DBH: variants seen among roughly 807,000 people sequenced by gnomAD.
DBH encodes dopamine beta-hydroxylase, also known as dopamine beta-hydroxylase (dopamine beta-monooxygenase).
A neutral mutation model predicts 64.0 loss-of-function variants in DBH; 49 were observed. That is an observed-to-expected ratio of 0.77 (90% confidence interval 0.61 to 0.97). The LOEUF (loss-of-function observed/expected upper bound fraction) is 0.97, where lower values mean the gene tolerates loss of function less well. DBH is among the 50% of genes least tolerant of loss of function. The probability of loss-of-function intolerance (pLI) is 0.00; values close to 1 mark genes in which losing one functional copy is unlikely to be tolerated. For missense variants in DBH, 828 were observed against 826.6 expected (o/e 1.00, Z -0.02); for synonymous variants, 343 against 347.1 (o/e 0.99, Z 0.13).
rs569876787 is a variant in DBH, at chr9:133,640,088, A to T, written c.486+96A>T. The T allele has an allele frequency of 6.3e-4, 958 of 1,509,642 alleles. 11 individuals carry two copies. The South Asian group carries it at 7.7e-3, about 12-fold the overall frequency. 93.5% of individuals were successfully genotyped at this position (1,509,642 alleles called of 1,614,324 possible). On this transcript the variant is annotated intron_variant, in intron 2 of 11. Coordinates refer to ENST00000393056, the MANE Select transcript of DBH (RefSeq NM_000787.4). ...CATAGTACCTTTCCTGTCCCTGATAAGTCTGGGGCCTGGGCCTGGCCAGCT... is the reference window on the plus strand; with the variant it reads ...CATAGTACCTTTCCTGTCCCTGATATGTCTGGGGCCTGGGCCTGGCCAGCT...
intron 1 of DBH, among the ~76,000 whole-genome samples, chr9:133,639,177 G>A (rs2131282933): frequency 6.7e-6 from 1 of 149,984 alleles, no homozygotes; most frequent in South Asian, 2.1e-4. Context: ...AGGACCGCTT[G>A]AGGCCAGGAG....
intron 5 of DBH, among the ~76,000 whole-genome samples, chr9:133,645,656 T>A (rs1832173291): frequency 1.3e-5 from 2 of 151,886 alleles, no homozygotes; most frequent in Admixed American, 1.3e-4. Context: ...GGTGTAGGGG[T>A]GTCGAGGGAA....
chr9:133,636,465 A>T lies in DBH; in HGVS notation c.94A>T (p.Ile32Phe). 6.2e-7 allele frequency: 1 copy of T among 1,612,928 alleles called. No homozygotes were observed. Among genetic ancestry groups the T allele is most frequent in the Non-Finnish European group, 8.5e-7 (1 of 1,179,698 alleles). Reference protein sequence around the residue: ...YSTAVAIFLVILVAALQGSAP... With the variant: ...YSTAVAIFLVFLVAALQGSAP... Reference sequence around the variant, plus strand: ...CACAGCAGTGGCCATCTTCCTGGTCATCCTGGTGGCCGCACTGCAGGGCTC... The same window carrying T: ...CACAGCAGTGGCCATCTTCCTGGTCTTCCTGGTGGCCGCACTGCAGGGCTC... The change falls in exon 1 of 12, where the codon ATC becomes TTC. Residue 32 changes from isoleucine to phenylalanine, a missense_variant. By Grantham distance (21) the Ile-to-Phe change is conservative (BLOSUM62 0). Coordinates refer to ENST00000393056, the MANE Select transcript of DBH (RefSeq NM_000787.4).
intron 8 of DBH, among the ~76,000 whole-genome samples, 175 bp from the exon 9 acceptor site, chr9:133,652,765 C>G (rs1253021704): frequency 2.0e-5 from 3 of 152,150 alleles, no homozygotes; most frequent in Non-Finnish European, 4.4e-5. Flanking sequence ...TGCTCGGGAA[C>G]ACTCAGCCTG....
intron 9 of DBH, 101 bp downstream of exon 9, chr9:133,653,100 G>GGAT (rs1832271703): frequency 1.1e-6 from 1 of 908,624 alleles, no homozygotes; most frequent in Non-Finnish European, 1.8e-6. Flanking sequence ...TTAGGGCATG[G>GGAT]GCTCGTCCCC....
In DBH at chr9:133,636,577, A is replaced by G. The variant is rs1264724851; in HGVS notation, c.206A>G (p.Gln69Arg). Residue 69 changes from glutamine to arginine, a missense_variant, in exon 1 of 12, where the codon CAG becomes CGG. Transcript: ENST00000393056. Reference sequence around the variant, plus strand: ...CTCTCATGGAATGTCAGCTACACCCAGGAGGCCATCCATTTCCAGCTCCTG... The same window carrying G: ...CTCTCATGGAATGTCAGCTACACCCGGGAGGCCATCCATTTCCAGCTCCTG... ...LELSWNVSYTQEAIHFQLLVR... is the reference protein window; with the variant it reads ...LELSWNVSYTREAIHFQLLVR... 1 of 1,613,732 alleles carries G rather than the reference A, an allele frequency of 6.2e-7. No individual in the cohort carries two copies. The highest frequency in any genetic ancestry group is 8.5e-7 in the Non-Finnish European group (1 of 1,180,018).
Position 133,658,298 on chromosome 9 carries a change from C to T in DBH, c.1723-18C>T. ...TGCCCCTCCAGCCTCAGTTTACCTCCTGCCCCCTTCCTTGCAGGGTGAATG... is the reference window on the plus strand; with the variant it reads ...TGCCCCTCCAGCCTCAGTTTACCTCTTGCCCCCTTCCTTGCAGGGTGAATG... On this transcript the variant is annotated intron_variant, in intron 11 of 11. Coordinates refer to ENST00000393056, the MANE Select transcript of DBH (RefSeq NM_000787.4). 4.3e-6 allele frequency: 7 copies of T among 1,613,728 alleles called. No individual in the cohort carries two copies. Among genetic ancestry groups the T allele is most frequent in the South Asian group, 3.3e-5 (3 of 91,024 alleles).
intron 7 of DBH, 49 bp from the exon 8 acceptor site, chr9:133,652,197 A>C: frequency 6.2e-7 from 1 of 1,611,018 alleles, no homozygotes; most frequent in Non-Finnish European, 8.5e-7. Flanking sequence ...TCTGGTCTGC[A>C]GCTCTCTGAG....
At position 133,657,453 on chromosome 9, in the gene DBH, A is replaced by AGAGG. The variant is rs1564215878; in HGVS notation, c.1722+227_1722+228insGGAG. On this transcript the variant is annotated intron_variant, in intron 11 of 11. Transcript: ENST00000393056. Reference sequence around the variant, plus strand: ...AGAGAGGAGAGAGAGGAGAGAGAGGAGAGAGGGAGAGGGAGAGAGGGAGAG... The same window carrying AGAGG: ...AGAGAGGAGAGAGAGGAGAGAGAGGAGAGGGAGAGGGAGAGGGAGAGAGGGAGAG... 4.3e-5 allele frequency: 11 copies of AGAGG among 255,608 alleles called. No individual in the cohort carries two copies. The African/African-American group carries it at 4.9e-4, about 11-fold the overall frequency. 15.8% of individuals were successfully genotyped at this position (255,608 alleles called of 1,614,324 possible). A position where few individuals can be genotyped will look rare whatever the true frequency, so the allele number is the denominator to read the frequency against.
At position 133,643,174 on chromosome 9, in the gene DBH, T is replaced by C. The variant is rs973260758; in HGVS notation, c.745-239T>C. Among the ~76,000 whole-genome samples, 3 of 125,946 alleles carry C rather than the reference T, an allele frequency of 2.4e-5. No individual in the cohort carries two copies. Among genetic ancestry groups the C allele is most frequent in the Non-Finnish European group, 3.6e-5 (2 of 56,292 alleles). 82.6% of individuals were successfully genotyped at this position (125,946 alleles called of 152,430 possible). On this transcript the variant is annotated intron_variant, in intron 3 of 11. Transcript: ENST00000393056. This position sits in a 1 kb window ranked among gnomAD's most constrained non-coding sequence, Gnocchi z 5.3. ...CCCCATATGCATGAGGACGGCTGCG[T>C]CCTGTCCCTGCCTTGGCCTGTACGA...
intron 7 of DBH, among the ~76,000 whole-genome samples, 163 bp downstream of exon 7, chr9:133,651,940 G>A (rs577373517): frequency 1.4e-3 from 219 of 152,016 alleles, no homozygotes; most frequent in African/African-American, 4.9e-3. Flanking sequence ...CTCCCCACTT[G>A]GGTGTCTGGT....
intron 1 of DBH, among the ~76,000 whole-genome samples, chr9:133,639,226 C>CA (rs60989647): frequency 0.046 from 6,035 of 131,960 alleles, 169 homozygotes; most frequent in Non-Finnish European, 0.067. Context: ...GACCCTATCT[C>CA]AAAAAAAAAA....
Position 133,648,675 on chromosome 9 carries a change from G to A in DBH, c.1191+663G>A, listed in dbSNP as rs80154215. Reference sequence around the variant, plus strand: ...AGCACCCGTCCTCAGGGCTATGCACGCTGGGTGGAGGCACAGGTTGGCGCT... The same window carrying A: ...AGCACCCGTCCTCAGGGCTATGCACACTGGGTGGAGGCACAGGTTGGCGCT... On this transcript the variant is annotated intron_variant, in intron 6 of 11. Transcript: ENST00000393056. 5.3e-3 allele frequency among the ~76,000 whole-genome samples: 804 copies of A among 152,358 alleles called. 5 individuals are homozygous for A. Among genetic ancestry groups the A allele is most frequent in the African/African-American group, 0.018 (741 of 41,582 alleles).
Position 133,639,214 on chromosome 9 carries a change from G to A in DBH, c.340-632G>A, listed in dbSNP as rs566916252. ...TCAGGACCAGCCTAGGCAACATAGC[G>A]AGACCCTATCTCAAAAAAAAAAAAA... On this transcript the variant is annotated intron_variant, in intron 1 of 11. Coordinates refer to ENST00000393056, the MANE Select transcript of DBH (RefSeq NM_000787.4). 1.8e-3 allele frequency among the ~76,000 whole-genome samples: 246 copies of A among 133,864 alleles called. 1 individual carries two copies. Among genetic ancestry groups the A allele is most frequent in the Non-Finnish European group, 2.9e-3 (184 of 63,010 alleles). 87.8% of individuals were successfully genotyped at this position (133,864 alleles called of 152,430 possible). A position where few individuals can be genotyped will look rare whatever the true frequency, so the allele number is the denominator to read the frequency against.
chr9:133,658,207 A>T, intron 11 of DBH, 109 bp from the exon 12 acceptor site: 1 of 1,463,838 alleles, frequency 6.8e-7, no homozygotes, highest in African/African-American at 1.4e-5. Context: ...GTTTGAGACA[A>T]GCTGAGTTTG....
intron 11 of DBH, among the ~76,000 whole-genome samples, 173 bp from the exon 12 acceptor site, chr9:133,658,142 CA>C (rs1832359468): frequency 6.6e-6 from 1 of 152,038 alleles, no homozygotes; most frequent in Non-Finnish European, 1.5e-5. Flanking sequence ...GGGGAGGGGG[CA>C]TTTACTGAGG....
At chr9:133,656,699 G>C (rs1832326212) in intron 10 of DBH, 49 bp downstream of exon 10, 3 of 1,605,178 alleles carry the variant, frequency 1.9e-6, no homozygotes. Context: ...CCCCGACACA[G>C]AACCTCGGGC....
intron 11 of DBH, chr9:133,657,441 A>G (rs1469648335): frequency 2.4e-6 from 1 of 420,574 alleles, no homozygotes; most frequent in South Asian, 2.2e-5. Context: ...GAGGAGAGAG[A>G]GGAGAGAGAG....
chr9:133,649,073 T>C (rs1224656362), intron 6 of DBH, among the ~76,000 whole-genome samples: 2 of 152,182 alleles, frequency 1.3e-5, no homozygotes, highest in African/African-American at 4.8e-5. Flanking sequence ...TGTAAATATT[T>C]TCTGTCATTT....
Sources: gnomAD v4.1 joint callset for allele counts (sites outside exome capture counted in the v4.1 genomes callset) on GRCh38, gnomAD v4.1.1 for gene constraint, Gnocchi (gnomAD v3.1) non-coding constraint, MANE v1.5 for transcripts, NCBI Gene and HGNC (gene_info 2026-07-23, HGNC 2026-07-21) for gene names.